GRID2: variants seen among roughly 807,000 people sequenced by gnomAD.
GRID2 encodes the protein glutamate ionotropic receptor delta type subunit 2, also known as glutamate receptor ionotropic, delta-2.
GRID2 carries 33 observed loss-of-function variants against 114.8 expected under a neutral mutation model. The ratio of observed to expected loss-of-function variants is 0.29; its 90% CI spans 0.22 to 0.38. The LOEUF (loss-of-function observed/expected upper bound fraction) is 0.38, where lower values mean the gene tolerates loss of function less well. Among genes scored for constraint, GRID2 ranks in the 10% least tolerant of loss-of-function variants. The pLI, the probability that GRID2 is intolerant of heterozygous loss-of-function variation, is 1.00. For synonymous variants in GRID2, 505 were observed against 449.9 expected (o/e 1.12, Z -1.55); for missense variants, 1,184 against 1,257.7 (o/e 0.94, Z 0.89).
At chr4:92,941,285 G>A (rs1298288890) in intron 2 of GRID2, among the ~76,000 whole-genome samples, 6 of 152,052 alleles carry the variant, frequency 3.9e-5, no homozygotes, top group Non-Finnish European at 1.5e-5. Flanking sequence ...CTTCTTCCTG[G>A]TTTAGTCTTG....
intron 1 of GRID2, among the ~76,000 whole-genome samples, chr4:93,796,400 G>T (rs994012881): frequency 1.3e-5 from 2 of 152,110 alleles, no homozygotes; most frequent in Non-Finnish European, 2.9e-5. Flanking sequence ...ATAGTGAAAT[G>T]GTTGCAAAGG....
intron 2 of GRID2, among the ~76,000 whole-genome samples, chr4:92,941,050 C>T (rs1358455966): frequency 6.6e-6 from 1 of 152,106 alleles, no homozygotes; most frequent in Non-Finnish European, 1.5e-5. Context: ...GTGTCTGTGC[C>T]AGACTTTGGT....
At chr4:93,417,445 A>C (rs1767833682) in intron 9 of GRID2, among the ~76,000 whole-genome samples, 1 of 152,082 alleles carries the variant, frequency 6.6e-6, no homozygotes, top group South Asian at 2.1e-4. Context: ...TATACAGAAA[A>C]AAGCATGAAA....
chr4:92,864,530 TC>T (rs1369690987), intron 2 of GRID2, among the ~76,000 whole-genome samples: 1 of 152,116 alleles, frequency 6.6e-6, no homozygotes, highest in Non-Finnish European at 1.5e-5. Context: ...TTTTGACATT[TC>T]CCCACTGGAC....
In GRID2 at chr4:93,456,228, G is replaced by A. The variant is rs1413756929; in HGVS notation, c.1858+254G>A. 2.6e-5 allele frequency among the ~76,000 whole-genome samples: 4 copies of A among 152,014 alleles called. No homozygotes were observed. In the East Asian group the frequency reaches 7.7e-4, roughly 29 times the overall value. ...AACAAAGGCAAATGTGAATGTCAAA[G>A]GTAAAGCTCACAGAAAACATCAAGA... On this transcript the variant is annotated intron_variant, in intron 11 of 15. Coordinates refer to ENST00000282020, the MANE Select transcript of GRID2 (RefSeq NM_001510.4).
intron 1 of GRID2, among the ~76,000 whole-genome samples, chr4:92,405,166 A>G (rs1730967156): frequency 1.3e-5 from 2 of 152,216 alleles, no homozygotes; most frequent in African/African-American, 4.8e-5. Context: ...AACTCCCAGC[A>G]ATTCGACTTT....
intron 1 of GRID2, among the ~76,000 whole-genome samples, chr4:93,804,145 G>A (rs1734987493): frequency 6.6e-6 from 1 of 152,058 alleles, no homozygotes; most frequent in African/African-American, 2.4e-5. Flanking sequence ...TCTAAAACTA[G>A]GATGTAAAAA....
At chr4:93,512,247 A>C (rs997423531) in intron 12 of GRID2, among the ~76,000 whole-genome samples, 3 of 152,190 alleles carry the variant, frequency 2.0e-5, no homozygotes, top group Non-Finnish European at 4.4e-5. Context: ...AATATTATAC[A>C]CTCAGATTTT....
rs566733894 is a variant in GRID2, at chr4:93,308,359, T to A, written c.1245+69869T>A. ...CTATTACAGTTCAAAATCAATTCTATTCCTGTTTCCATAGTTCACATTCAT... is the reference window on the plus strand; with the variant it reads ...CTATTACAGTTCAAAATCAATTCTAATCCTGTTTCCATAGTTCACATTCAT... On this transcript the variant is annotated intron_variant, in intron 8 of 15. Transcript: ENST00000282020. Among the ~76,000 whole-genome samples the A allele has an allele frequency of 1.4e-4, 21 of 152,310 alleles. No individual in the cohort carries two copies. The East Asian group carries it at 3.9e-3, about 28-fold the overall frequency.
chr4:93,715,216 G>A (rs1261009107), intron 14 of GRID2, among the ~76,000 whole-genome samples: 1 of 152,070 alleles, frequency 6.6e-6, no homozygotes, highest in Non-Finnish European at 1.5e-5. Context: ...GTTTTTGCCA[G>A]GTTTGTTGAA....
At chr4:92,816,253 T>G (rs1036492873) in intron 2 of GRID2, among the ~76,000 whole-genome samples, 18 of 145,410 alleles carry the variant, frequency 1.2e-4, no homozygotes, top group African/African-American at 4.6e-4. Context: ...AGGCGGAGTA[T>G]GTGGTGAGCT....
chr4:93,723,248 A>G (rs890441889), intron 14 of GRID2, among the ~76,000 whole-genome samples: 3 of 152,248 alleles, frequency 2.0e-5, no homozygotes, highest in African/African-American at 7.2e-5. Context: ...AGCAGGGGCC[A>G]TCATTTAAGA....
At chr4:93,786,966 T>A (rs2110355416) in intron 1 of GRID2, among the ~76,000 whole-genome samples, 1 of 152,142 alleles carries the variant, frequency 6.6e-6, no homozygotes, top group South Asian at 2.1e-4. Context: ...TGAAGTATAG[T>A]GAGAGGCCAT....
rs867413479 is a variant in GRID2 at position 92,947,887 on chromosome 4, T to C, written c.245-137108T>C. Among the ~76,000 whole-genome samples, 8 of 152,030 alleles carry C rather than the reference T, an allele frequency of 5.3e-5. No individual in the cohort carries two copies. In the South Asian group the frequency reaches 1.2e-3, roughly 24 times the overall value. ...GTGTGATAATAAAATGAATCCTATGTTGTTTGTTAATTACCTTTTGTAAAA... is the reference window on the plus strand; with the variant it reads ...GTGTGATAATAAAATGAATCCTATGCTGTTTGTTAATTACCTTTTGTAAAA... On this transcript the variant is annotated intron_variant, in intron 2 of 15. Transcript: ENST00000282020.
chr4:92,859,192 G>C (rs1264755066), intron 2 of GRID2, among the ~76,000 whole-genome samples: 1 of 152,168 alleles, frequency 6.6e-6, no homozygotes, highest in Non-Finnish European at 1.5e-5. Context: ...TGATCAGTTA[G>C]CAGCCATCAA....
intron 8 of GRID2, among the ~76,000 whole-genome samples, chr4:93,255,168 T>C (rs1429989571): frequency 3.3e-5 from 5 of 151,914 alleles, no homozygotes; most frequent in African/African-American, 1.2e-4. Flanking sequence ...CTAATGTTTT[T>C]CCAAGTAGGC....
At chr4:93,555,839 A>G (rs1734265551) in intron 13 of GRID2, among the ~76,000 whole-genome samples, 1 of 152,084 alleles carries the variant, frequency 6.6e-6, no homozygotes, top group Non-Finnish European at 1.5e-5. Context: ...GGATTGACAG[A>G]CACCTCGTAT....
intron 1 of GRID2, among the ~76,000 whole-genome samples, chr4:92,540,826 A>G (rs1193787284): frequency 2.6e-5 from 4 of 152,194 alleles, no homozygotes; most frequent in Non-Finnish European, 5.9e-5. Flanking sequence ...TCATGCTGCT[A>G]TAAAGACACA....
intron 14 of GRID2, among the ~76,000 whole-genome samples, chr4:93,752,528 G>T (rs897946926): frequency 6.6e-6 from 1 of 151,918 alleles, no homozygotes; most frequent in Non-Finnish European, 1.5e-5. Flanking sequence ...CTGCCACCAC[G>T]CCCGGCTAAT....
Sources: allele counts gnomAD v4.1 joint callset (sites outside exome capture counted in the v4.1 genomes callset), GRCh38; gene constraint gnomAD v4.1.1; transcripts MANE v1.5; gene names NCBI Gene and HGNC (gene_info 2026-07-23, HGNC 2026-07-21).